Variants in CRACD observed in about 807,000 individuals in gnomAD.
CRACD encodes the protein capping protein inhibiting regulator of actin dynamics, also known as capping protein-inhibiting regulator of actin dynamics.
In CRACD, 56 loss-of-function variants were observed where a neutral mutation model predicts 106.8. That is an observed-to-expected ratio of 0.52 (90% confidence interval 0.42 to 0.66). The LOEUF is 0.66. Ranked by LOEUF, CRACD falls within the 30% of genes least tolerant of loss-of-function variation. The probability of loss-of-function intolerance (pLI) is 0.00; values close to 1 mark genes in which losing one functional copy is unlikely to be tolerated. For missense variants in CRACD, 1,730 were observed against 1,623.2 expected (o/e 1.07, Z -1.13); for synonymous variants, 754 against 670.8 (o/e 1.12, Z -1.92).
At chr4:56,310,469 C>T (rs1416790805) in intron 5 of CRACD, among the ~76,000 whole-genome samples, 197 bp from the exon 6 acceptor site, 1 of 152,166 alleles carries the variant, frequency 6.6e-6, no homozygotes, top group Non-Finnish European at 1.5e-5. Flanking sequence ...GGCTGGTGCA[C>T]CCTCTGTGTC....
chr4:56,134,063 T>C (rs2109868600), intron 1 of CRACD, among the ~76,000 whole-genome samples: 1 of 152,108 alleles, frequency 6.6e-6, no homozygotes, highest in Middle Eastern at 3.4e-3. Context: ...TAGCTGGACG[T>C]GGTTGTGCAC....
intron 1 of CRACD, among the ~76,000 whole-genome samples, chr4:56,058,172 C>T (rs71601615): frequency 0.064 from 9,646 of 151,036 alleles, 309 homozygotes; most frequent in African/African-American, 0.087. Flanking sequence ...CAGGTTCAAG[C>T]GATTCTCCTG....
At chr4:56,289,509 GA>G (rs536975251) in intron 3 of CRACD, among the ~76,000 whole-genome samples, 27 of 151,746 alleles carry the variant, frequency 1.8e-4, no homozygotes, top group Non-Finnish European at 3.8e-4. Flanking sequence ...CCATCTTTAT[GA>G]AAAAAATAAA....
At chr4:56,161,994 C>A (rs888315222) in intron 1 of CRACD, among the ~76,000 whole-genome samples, 4 of 151,942 alleles carry the variant, frequency 2.6e-5, no homozygotes, top group African/African-American at 9.7e-5. Context: ...GAACTCCTGA[C>A]CTCAAGTGAT....
At chr4:56,095,808 G>A (rs983746095) in intron 1 of CRACD, among the ~76,000 whole-genome samples, 12 of 152,330 alleles carry the variant, frequency 7.9e-5, no homozygotes, top group Middle Eastern at 3.4e-3. Context: ...AATGTGGGGT[G>A]GGGAGACCAG....
At position 56,315,276 on chromosome 4, in the gene CRACD, C is replaced by G. The variant is rs907183617; in HGVS notation, c.1774C>G (p.Pro592Ala). The change falls in exon 8 of 11, where the codon CCC becomes GCC. Residue 592 changes from proline to alanine, a missense_variant. By Grantham distance (27) the Pro-to-Ala change is conservative (BLOSUM62 -1). Transcript: ENST00000682029. This position sits in a 1 kb window ranked among gnomAD's most constrained non-coding sequence, Gnocchi z 4.1. ...QHALPSSLSVPHTAILVTGAQ... is the reference protein window; with the variant it reads ...QHALPSSLSVAHTAILVTGAQ... Reference sequence around the variant, plus strand: ...CGCCCTACCGTCGTCCCTGAGCGTTCCCCACACCGCCATTCTGGTCACGGG... The same window carrying G: ...CGCCCTACCGTCGTCCCTGAGCGTTGCCCACACCGCCATTCTGGTCACGGG... 1 of 1,612,512 alleles carries G rather than the reference C, an allele frequency of 6.2e-7. No individual in the cohort carries two copies.
chr4:56,224,435 T>A (rs551064690), intron 2 of CRACD, among the ~76,000 whole-genome samples: 16 of 152,322 alleles, frequency 1.1e-4, no homozygotes, highest in Non-Finnish European at 2.1e-4. Flanking sequence ...CTTACTAAAT[T>A]TTCTTGTGTT....
At chr4:56,059,883 CA>C (rs1296501501) in intron 1 of CRACD, among the ~76,000 whole-genome samples, 1 of 152,094 alleles carries the variant, frequency 6.6e-6, no homozygotes, top group Non-Finnish European at 1.5e-5. Flanking sequence ...GGGGTTTTGC[CA>C]TGTTGGCCAG....
chr4:56,323,978 A>C, intron 9 of CRACD, 126 bp from the exon 10 acceptor site: 1 of 1,046,978 alleles, frequency 9.6e-7, no homozygotes, highest in Non-Finnish European at 1.4e-6. Context: ...TCATACATGT[A>C]ATCCAGCCCA....
chr4:56,144,612 A>G (rs1735313754), intron 1 of CRACD, among the ~76,000 whole-genome samples: 1 of 149,516 alleles, frequency 6.7e-6, no homozygotes, highest in Admixed American at 6.7e-5. Context: ...TTGGTAAGGC[A>G]TATTTTTCTT....
Position 56,314,416 on chromosome 4 carries a change from G to A in CRACD, c.914G>A (p.Arg305Gln), listed in dbSNP as rs941888807. The A allele has an allele frequency of 6.5e-7, 1 of 1,545,104 alleles. No individual in the cohort carries two copies. The highest frequency in any genetic ancestry group is 2.0e-5 in the Admixed American group (1 of 50,396). ...LEAPGWEDAE[R>Q]REREERERLE... ...GCGCCAGGTTGGGAGGACGCGGAGC[G>A]GAGGGAGCGTGAGGAGCGCGAGCGC... The change falls in exon 8 of 11, where the codon CGG (arginine) becomes CAG (glutamine). Residue 305 changes from arginine to glutamine, a missense_variant. Physicochemically the swap from Arg to Gln is conservative, Grantham distance 43 (BLOSUM62 1). Coordinates refer to ENST00000682029, the MANE Select transcript of CRACD (RefSeq NM_001393381.1). The surrounding 1 kb of genome is among the most constrained non-coding windows in gnomAD (Gnocchi z 4.4).
intron 1 of CRACD, among the ~76,000 whole-genome samples, chr4:56,160,118 A>C (rs1373276710): frequency 6.6e-6 from 1 of 151,774 alleles, no homozygotes; most frequent in Non-Finnish European, 1.5e-5. Flanking sequence ...TCTAAAACTT[A>C]ATGCATATTT....
At chr4:56,292,354 C>T (rs747202732) in intron 3 of CRACD, among the ~76,000 whole-genome samples, 25 of 152,142 alleles carry the variant, frequency 1.6e-4, no homozygotes, top group Admixed American at 5.9e-4. Context: ...TCTGGGAGGA[C>T]CACACCCTAG....
chr4:56,055,070 G>A (rs1164757901), intron 1 of CRACD, among the ~76,000 whole-genome samples: 1 of 152,152 alleles, frequency 6.6e-6, no homozygotes, highest in Non-Finnish European at 1.5e-5. Context: ...CACTAGAAAC[G>A]GTTGTTAGAA....
chr4:56,286,553 C>T (rs1303169859), intron 3 of CRACD, among the ~76,000 whole-genome samples: 1 of 107,800 alleles, frequency 9.3e-6, no homozygotes, highest in African/African-American at 2.9e-5. Context: ...AAAAAGATTA[C>T]CGTAGGGTTT....
chr4:56,264,334 G>GT (rs1307486441), intron 2 of CRACD, among the ~76,000 whole-genome samples: 2 of 151,992 alleles, frequency 1.3e-5, no homozygotes, highest in African/African-American at 4.8e-5. Context: ...CCTGAATAAA[G>GT]TCTACCTTAT....
chr4:56,113,864 T>C (rs1483328041), intron 1 of CRACD, among the ~76,000 whole-genome samples: 1 of 152,108 alleles, frequency 6.6e-6, no homozygotes, highest in Non-Finnish European at 1.5e-5. Flanking sequence ...CTAGAAGCAT[T>C]TTTTTAAACT....
In CRACD at chr4:56,260,626, G is replaced by A. The variant is rs141825853; in HGVS notation, c.-188-11695G>A. On this transcript the variant is annotated intron_variant, in intron 2 of 10. Coordinates refer to ENST00000682029, the MANE Select transcript of CRACD (RefSeq NM_001393381.1). ...TCCACAGTCAGTTGACTTTAAGTAA[G>A]GGAGATTACTTGAGATAATCTGGGT... 3.0e-4 allele frequency among the ~76,000 whole-genome samples: 46 copies of A among 152,218 alleles called. No individual in the cohort carries two copies. The East Asian group carries it at 4.2e-3, about 14-fold the overall frequency.
intron 2 of CRACD, among the ~76,000 whole-genome samples, chr4:56,239,639 C>G (rs1740243037): frequency 1.3e-5 from 2 of 152,074 alleles, no homozygotes; most frequent in Non-Finnish European, 2.9e-5. Flanking sequence ...GGAGCAAATT[C>G]AGGTTGTCTT....
Sources: allele counts gnomAD v4.1 joint callset (sites outside exome capture counted in the v4.1 genomes callset), GRCh38; gene constraint gnomAD v4.1.1; non-coding constraint Gnocchi (gnomAD v3.1); transcripts MANE v1.5; gene names NCBI Gene and HGNC (gene_info 2026-07-23, HGNC 2026-07-21).